The following AP2B1 variants were observed in gnomAD, a reference collection of about 807,000 sequenced individuals.
The protein encoded by AP2B1 is AP-2 complex subunit beta.
AP2B1 carries 23 observed loss-of-function variants against 102.0 expected under a neutral mutation model. The ratio of observed to expected loss-of-function variants is 0.23; its 90% CI spans 0.16 to 0.32. The LOEUF is 0.32. Among genes scored for constraint, AP2B1 ranks in the 10% least tolerant of loss-of-function variants. The pLI is 1.00. For missense variants in AP2B1, 541 were observed against 1,157.4 expected (o/e 0.47, Z 7.73); for synonymous variants, 381 against 421.2 (o/e 0.90, Z 1.17).
intron 5 of AP2B1, among the ~76,000 whole-genome samples, chr17:35,617,248 G>T (rs1182922377): frequency 2.6e-5 from 4 of 152,098 alleles, no homozygotes; most frequent in African/African-American, 4.8e-5. Flanking sequence ...TAGAGACAGG[G>T]TTTCACCATG....
intron 18 of AP2B1, among the ~76,000 whole-genome samples, chr17:35,699,984 T>C (rs1013790912): frequency 3.9e-5 from 6 of 152,006 alleles, no homozygotes; most frequent in Non-Finnish European, 7.4e-5. Context: ...TAGTTTCAGC[T>C]ACTCACGAGG....
intron 12 of AP2B1, among the ~76,000 whole-genome samples, chr17:35,647,433 T>C (rs888473007): frequency 6.6e-6 from 1 of 151,928 alleles, no homozygotes. Context: ...AAATTAGATA[T>C]AATTATCACT....
chr17:35,672,332 C>A (rs2142961569), intron 16 of AP2B1, among the ~76,000 whole-genome samples: 1 of 152,230 alleles, frequency 6.6e-6, no homozygotes, highest in Non-Finnish European at 1.5e-5. Flanking sequence ...TTTTAGTGTA[C>A]CTTTTTAGAG....
At chr17:35,694,797 C>T (rs895479359) in intron 18 of AP2B1, among the ~76,000 whole-genome samples, 2 of 152,138 alleles carry the variant, frequency 1.3e-5, no homozygotes, top group Non-Finnish European at 2.9e-5. Context: ...ACAGAAGAAT[C>T]GCTTGAACCC....
intron 12 of AP2B1, among the ~76,000 whole-genome samples, chr17:35,647,891 G>GTTT (rs36102165): frequency 9.8e-5 from 14 of 143,116 alleles, no homozygotes; most frequent in Non-Finnish European, 1.1e-4. Flanking sequence ...TTGGGGGTTT[G>GTTT]TTTTTTTTTT....
At chr17:35,665,115 T>G (rs1427825550) in intron 14 of AP2B1, among the ~76,000 whole-genome samples, 2 of 148,124 alleles carry the variant, frequency 1.4e-5, no homozygotes, top group Admixed American at 7.1e-5. Context: ...TTATGATGCT[T>G]TTTGGAATAG....
chr17:35,623,147 T>C (rs886589077), intron 5 of AP2B1, among the ~76,000 whole-genome samples: 1 of 152,128 alleles, frequency 6.6e-6, no homozygotes, highest in South Asian at 2.1e-4. Context: ...CTTTAGATGT[T>C]CTTCCTTTGT....
At chr17:35,609,506 C>T (rs779580335) in intron 5 of AP2B1, among the ~76,000 whole-genome samples, 1 of 152,172 alleles carries the variant, frequency 6.6e-6, no homozygotes, top group Non-Finnish European at 1.5e-5. Flanking sequence ...GCCACCACGC[C>T]TGGCTAATTT....
At chr17:35,656,585 A>C (rs1416875962) in intron 13 of AP2B1, among the ~76,000 whole-genome samples, 1 of 152,174 alleles carries the variant, frequency 6.6e-6, no homozygotes. Context: ...GTGATTCTGC[A>C]TTTCTTATCA....
intron 2 of AP2B1, among the ~76,000 whole-genome samples, chr17:35,596,517 TTC>T (rs2073278550): frequency 1.3e-5 from 1 of 76,776 alleles, no homozygotes; most frequent in Non-Finnish European, 2.6e-5. Flanking sequence ...CACTATTTCT[TTC>T]TTTTTTTTTT....
At position 35,650,529 on chromosome 17, in the gene AP2B1, G is replaced by A; in HGVS notation, c.1537-1G>A. Reference sequence around the variant, plus strand: ...CCTCCTTGCCTTTGCCTTTTCTTTAGGATTCTGATAATCCTGACCTTCGAG... The same window carrying A: ...CCTCCTTGCCTTTGCCTTTTCTTTAAGATTCTGATAATCCTGACCTTCGAG... On this transcript the variant is annotated splice_acceptor_variant, in intron 12 of 21. Coordinates refer to ENST00000610402, the MANE Select transcript of AP2B1 (RefSeq NM_001030006.2). LOFTEE classifies it high-confidence loss of function. 1 of 1,613,112 alleles carries A rather than the reference G, an allele frequency of 6.2e-7. No individual in the cohort carries two copies. Among genetic ancestry groups the A allele is most frequent in the Admixed American group, 1.7e-5 (1 of 59,894 alleles).
intron 18 of AP2B1, 61 bp downstream of exon 18, chr17:35,682,885 T>C (rs2075853817): frequency 1.0e-5 from 15 of 1,461,466 alleles, no homozygotes; most frequent in Non-Finnish European, 1.4e-5. Flanking sequence ...TTATTATTAT[T>C]ATTATTTTTA....
intron 5 of AP2B1, among the ~76,000 whole-genome samples, chr17:35,613,523 T>A (rs916502292): frequency 1.3e-5 from 2 of 152,148 alleles, no homozygotes; most frequent in Non-Finnish European, 2.9e-5. Flanking sequence ...AAAGATGAAT[T>A]TAGAAGTAAA....
At chr17:35,687,222 C>T (rs2075954931) in intron 18 of AP2B1, among the ~76,000 whole-genome samples, 1 of 152,064 alleles carries the variant, frequency 6.6e-6, no homozygotes, top group Non-Finnish European at 1.5e-5. Context: ...AGCAATCCTC[C>T]CACCTCAGCC....
Position 35,706,437 on chromosome 17 carries a change from G to T in AP2B1, c.2455-2787G>T, listed in dbSNP as rs1190887529. Among the ~76,000 whole-genome samples the T allele has an allele frequency of 7.9e-5, 12 of 152,174 alleles. No homozygotes were observed. The South Asian group carries it at 2.3e-3, about 29-fold the overall frequency. On this transcript the variant is annotated intron_variant, in intron 18 of 21. Transcript: ENST00000610402. ...ATATTTATGCCAGGTCCCAGATTCA[G>T]AGATTGTAATTATTTCATGTAGGGT...
At chr17:35,685,031 G>C (rs1254433431) in intron 18 of AP2B1, among the ~76,000 whole-genome samples, 1 of 152,174 alleles carries the variant, frequency 6.6e-6, no homozygotes, top group Non-Finnish European at 1.5e-5. Context: ...CAAAAGTATT[G>C]ATGTGATATT....
chr17:35,657,545 C>A, intron 13 of AP2B1, 54 bp from the exon 14 acceptor site: 1 of 1,484,146 alleles, frequency 6.7e-7, no homozygotes, highest in South Asian at 1.2e-5. Context: ...GATGTTATGT[C>A]CTAGGTGAAA....
At chr17:35,701,488 A>C (rs2076237784) in intron 18 of AP2B1, among the ~76,000 whole-genome samples, 1 of 152,246 alleles carries the variant, frequency 6.6e-6, no homozygotes, top group Admixed American at 6.5e-5. Flanking sequence ...TCTACTTCAT[A>C]TTATACCCCT....
intron 5 of AP2B1, among the ~76,000 whole-genome samples, chr17:35,610,900 C>T: frequency 9.4e-6 from 1 of 105,958 alleles, no homozygotes; most frequent in Non-Finnish European, 1.8e-5. Context: ...GAGCGAGACT[C>T]TTGTCTCAAA....
Sources: gnomAD v4.1 joint callset for allele counts (sites outside exome capture counted in the v4.1 genomes callset) on GRCh38, gnomAD v4.1.1 for gene constraint, MANE v1.5 for transcripts, NCBI Gene and HGNC (gene_info 2026-07-23, HGNC 2026-07-21) for gene names.